FBXO30: variants seen among roughly 807,000 people sequenced by gnomAD.
The protein encoded by FBXO30 is F-box only protein 30.
A neutral mutation model predicts 58.1 loss-of-function variants in FBXO30; 21 were observed. The observed-to-expected ratio is 0.36, with a 90% CI of 0.26 to 0.52. The LOEUF (loss-of-function observed/expected upper bound fraction) is 0.52, where lower values mean the gene tolerates loss of function less well. Ranked by LOEUF, FBXO30 falls within the 20% of genes least tolerant of loss-of-function variation. FBXO30 has a pLI of 0.93. For synonymous variants in FBXO30, 309 were observed against 312.4 expected, an observed-to-expected ratio of 0.99 and a Z score of 0.11; for missense variants, 744 against 897.3, an observed-to-expected ratio of 0.83 and a Z score of 2.18.
intron 1 of FBXO30, among the ~76,000 whole-genome samples, chr6:145,811,711 A>T (rs1829164805): frequency 6.6e-6 from 1 of 152,256 alleles, no homozygotes; most frequent in Non-Finnish European, 1.5e-5. Context: ...TAGTATTACA[A>T]TTAACATGGT....
At position 145,795,697 on chromosome 6, in the gene FBXO30, T is replaced by C. The variant is rs2128663425; in HGVS notation, c.*4409A>G. 6.6e-6 allele frequency: 1 copy of C among 152,038 alleles called. No individual in the cohort carries two copies. Among genetic ancestry groups the C allele is most frequent in the Admixed American group, 6.6e-5 (1 of 15,258 alleles). The allele number at this position is 152,038 out of a possible 1,614,324, so 9.4% of individuals were successfully genotyped here. ...ACTCTCCACATAATACATTGAAATA[T>C]AAAACAATCTGAATACAAAATGCCA... On this transcript the variant is annotated 3_prime_UTR_variant, in exon 3 of 3. Transcript: ENST00000237281.
chr6:145,801,995 C>A (rs1012775456), intron 2 of FBXO30, among the ~76,000 whole-genome samples: 1 of 152,114 alleles, frequency 6.6e-6, no homozygotes. Context: ...ATCCATCTTT[C>A]ACTCAAGTAT....
chr6:145,807,619 T>A (rs1767692162), intron 1 of FBXO30, among the ~76,000 whole-genome samples: 1 of 152,208 alleles, frequency 6.6e-6, no homozygotes, highest in African/African-American at 2.4e-5. Flanking sequence ...TAAAATAACA[T>A]GAATGGATTA....
At chr6:145,811,577 A>T (rs976480939) in intron 1 of FBXO30, among the ~76,000 whole-genome samples, 2 of 152,224 alleles carry the variant, frequency 1.3e-5, no homozygotes, top group Non-Finnish European at 2.9e-5. Context: ...AAAAATAATG[A>T]ATATAGAAGC....
intron 1 of FBXO30, among the ~76,000 whole-genome samples, chr6:145,808,059 G>T (rs1562246739): frequency 1.3e-5 from 2 of 152,102 alleles, no homozygotes; most frequent in African/African-American, 4.8e-5. Context: ...ATGAGCCCAG[G>T]AGATTGAGGC....
intron 1 of FBXO30, chr6:145,809,736 C>T (rs1778282928): frequency 6.6e-6 from 1 of 152,052 alleles, no homozygotes; most frequent in South Asian, 2.1e-4. Context: ...TAATTATGTA[C>T]CTATTTTATC....
chr6:145,794,651 A>G lies in FBXO30; in HGVS notation c.*5455T>C, dbSNP rs1455170709. Reference sequence around the variant, plus strand: ...AGTTGACATAATCATTCATTGGGTAATTTTACTCTTGAGCAGACACAGTGC... The same window carrying G: ...AGTTGACATAATCATTCATTGGGTAGTTTTACTCTTGAGCAGACACAGTGC... On this transcript the variant is annotated 3_prime_UTR_variant, in exon 3 of 3. Coordinates refer to ENST00000237281, the MANE Select transcript of FBXO30 (RefSeq NM_032145.5). 6.6e-6 allele frequency: 1 copy of G among 151,762 alleles called. No individual in the cohort carries two copies. The highest frequency in any genetic ancestry group is 1.5e-5 in the Non-Finnish European group (1 of 67,782). 9.4% of individuals were successfully genotyped at this position (151,762 alleles called of 1,614,324 possible). A position where few individuals can be genotyped will look rare whatever the true frequency, so the allele number is the denominator to read the frequency against.
chr6:145,795,252 T>C lies in FBXO30; in HGVS notation c.*4854A>G, dbSNP rs961158931. On this transcript the variant is annotated 3_prime_UTR_variant, in exon 3 of 3. Coordinates refer to ENST00000237281, the MANE Select transcript of FBXO30 (RefSeq NM_032145.5). ...GAAATTAAATCTGATGAATTTGCCT[T>C]TGTTAGGAGCAACTGACCTAATTTA... The C allele has an allele frequency of 2.0e-5, 3 of 151,826 alleles. No individual in the cohort carries two copies. Among genetic ancestry groups the C allele is most frequent in the Non-Finnish European group, 4.4e-5 (3 of 67,776 alleles). 9.4% of individuals were successfully genotyped at this position (151,826 alleles called of 1,614,324 possible). A position where few individuals can be genotyped will look rare whatever the true frequency, so the allele number is the denominator to read the frequency against.
chr6:145,805,720 T>C lies in FBXO30; in HGVS notation c.686A>G (p.Glu229Gly). The C allele has an allele frequency of 6.2e-7, 1 of 1,614,090 alleles. No homozygotes were observed. The highest frequency in any genetic ancestry group is 8.5e-7 in the Non-Finnish European group (1 of 1,179,976). ...DEQQNARESL[E>G]DQNLKDQDHL... ...ATCTTGGTCTTTCAAGTTTTGATCC[T>C]CTAAGCTTTCTCTCGCATTTTGCTG... Residue 229 changes from glutamate (E) to glycine (G), a missense_variant, in exon 2 of 3, where the codon GAG becomes GGG. Physicochemically the swap from Glu to Gly is moderately conservative, Grantham distance 98. Around this residue, in one of 3 missense-constraint regions of FBXO30, gnomAD observed 275 missense variants for 262.0 expected, o/e 1.05. Coordinates refer to ENST00000237281, the MANE Select transcript of FBXO30 (RefSeq NM_032145.5).
At chr6:145,807,143 CTGTG>C (rs1471014637) in intron 1 of FBXO30, among the ~76,000 whole-genome samples, 1 of 152,172 alleles carries the variant, frequency 6.6e-6, no homozygotes, top group Non-Finnish European at 1.5e-5. Context: ...GGACCATGCA[CTGTG>C]TTTGGTGTGG....
chr6:145,804,775 T>A lies in FBXO30; in HGVS notation c.1631A>T (p.His544Leu). Residue 544 changes from histidine to leucine, a missense_variant, in exon 2 of 3, where the codon CAT (histidine) becomes CTT (leucine). Around this residue, in one of 3 missense-constraint regions of FBXO30, gnomAD observed 334 missense variants for 433.7 expected, o/e 0.77. Coordinates refer to ENST00000237281, the MANE Select transcript of FBXO30 (RefSeq NM_032145.5). ...SHFKNVHGDIHAGLNGWMEQR... is the reference protein window; with the variant it reads ...SHFKNVHGDILAGLNGWMEQR... ...TTCCATCCAGCCATTGAGTCCAGCA[T>A]GAATGTCACCATGCACATTCTTAAA... 1 of 1,613,992 alleles carries A rather than the reference T, an allele frequency of 6.2e-7. No homozygotes were observed. The highest frequency in any genetic ancestry group is 8.5e-7 in the Non-Finnish European group (1 of 1,179,904).
In FBXO30 at chr6:145,800,288, A is replaced by C; in HGVS notation, c.2056T>G (p.Phe686Val). The C allele has an allele frequency of 6.2e-7, 1 of 1,612,682 alleles. No homozygotes were observed. The highest frequency in any genetic ancestry group is 8.5e-7 in the Non-Finnish European group (1 of 1,179,122). ...AATTTCCATTCATTAACAGAACAAA[A>C]TGCAGTACTAAATCGCCATACCTAC... ...KEKVWRFSTA[F>V]CSVNEWKFAD... Residue 686 changes from phenylalanine (F) to valine (V), a missense_variant, in exon 3 of 3, where the codon TTT (phenylalanine) becomes GTT (valine). This residue lies in a region of FBXO30 where 334 missense variants were observed against 433.7 expected (regional missense o/e 0.77). Coordinates refer to ENST00000237281, the MANE Select transcript of FBXO30 (RefSeq NM_032145.5).
rs1777894321 is a variant in FBXO30, at chr6:145,797,838, A to C, written c.*2268T>G. 1.3e-5 allele frequency: 2 copies of C among 152,040 alleles called. No homozygotes were observed. Among genetic ancestry groups the C allele is most frequent in the Admixed American group, 6.6e-5 (1 of 15,230 alleles). The allele number at this position is 152,040 out of a possible 1,614,324, so 9.4% of individuals were successfully genotyped here. A position where few individuals can be genotyped will look rare whatever the true frequency, so the allele number is the denominator to read the frequency against. On this transcript the variant is annotated 3_prime_UTR_variant, in exon 3 of 3. Transcript: ENST00000237281. The stretch of plus-strand genomic sequence containing the variant: ...ACTAAGGAATCAATGATGACTTCTC[A>C]AAGTACAATCTATTAGGCCAACATA...
intron 2 of FBXO30, among the ~76,000 whole-genome samples, chr6:145,803,835 T>C (rs1778079336): frequency 6.6e-6 from 1 of 152,158 alleles, no homozygotes; most frequent in South Asian, 2.1e-4. Flanking sequence ...CATTCATCCA[T>C]TTATGTTCCT....
chr6:145,800,323 C>T lies in FBXO30; in HGVS notation c.2035-14G>A, dbSNP rs770424255. Reference sequence around the variant, plus strand: ...AAATCGCCATACCTACAAGAAAATTCTACTTTAGATTTAAACAAGTCAATG... The same window carrying T: ...AAATCGCCATACCTACAAGAAAATTTTACTTTAGATTTAAACAAGTCAATG... On this transcript the variant is annotated splice_polypyrimidine_tract_variant and intron_variant, in intron 2 of 2. Coordinates refer to ENST00000237281, the MANE Select transcript of FBXO30 (RefSeq NM_032145.5). The T allele has an allele frequency of 1.9e-6, 3 of 1,607,932 alleles. No homozygotes were observed. In the East Asian group the frequency reaches 6.7e-5, roughly 36 times the overall value.
chr6:145,803,962 C>T (rs1778083688), intron 2 of FBXO30, among the ~76,000 whole-genome samples: 1 of 152,052 alleles, frequency 6.6e-6, no homozygotes, highest in African/African-American at 2.4e-5. Context: ...ATCGTAGGAA[C>T]AAAATTGCCA....
chr6:145,796,919 T>G lies in FBXO30; in HGVS notation c.*3187A>C, dbSNP rs17821702. On this transcript the variant is annotated 3_prime_UTR_variant, in exon 3 of 3. Transcript: ENST00000237281. ...ATTAATAGCAACAACATTGATGAGA[T>G]AGGCAGCACAGAGTCAAAGATCAAA... 6.6e-6 allele frequency: 1 copy of G among 151,938 alleles called. No individual in the cohort carries two copies. The highest frequency in any genetic ancestry group is 2.4e-5 in the African/African-American group (1 of 41,404). The allele number at this position is 151,938 out of a possible 1,614,324, so 9.4% of individuals were successfully genotyped here.
chr6:145,795,569 TAA>T lies in FBXO30; in HGVS notation c.*4535_*4536del, dbSNP rs1370514639. On this transcript the variant is annotated 3_prime_UTR_variant, in exon 3 of 3. Coordinates refer to ENST00000237281, the MANE Select transcript of FBXO30 (RefSeq NM_032145.5). ...TATCAAAAAGATTGAAAATTATTTT[TAA>T]AAAAGGACTTTGCATCAATGAATTT... The T allele has an allele frequency of 6.6e-6, 1 of 151,924 alleles. No individual in the cohort carries two copies. The highest frequency in any genetic ancestry group is 1.5e-5 in the Non-Finnish European group (1 of 67,854). 9.4% of individuals were successfully genotyped at this position (151,924 alleles called of 1,614,324 possible).
rs895255901 is a variant in FBXO30, at chr6:145,807,656, T to TA, written c.-16-1236dup. ...AGATGTCTAATGGTCTTCCCTGCTT[T>TA]AAAATTTCCATCATAACCTTTATAA... On this transcript the variant is annotated intron_variant, in intron 1 of 2. Transcript: ENST00000237281. Among the ~76,000 whole-genome samples, 15 of 152,344 alleles carry TA rather than the reference T, an allele frequency of 9.8e-5. No homozygotes were observed. In the South Asian group the frequency reaches 1.9e-3, roughly 19 times the overall value.
Sources: gnomAD v4.1 joint callset for allele counts (sites outside exome capture counted in the v4.1 genomes callset) on GRCh38, gnomAD v4.1.1 for gene constraint, gnomAD v4.1.1 regional missense constraint, MANE v1.5 for transcripts, NCBI Gene and HGNC (gene_info 2026-07-23, HGNC 2026-07-21) for gene names.